Variants in TRDN observed in about 807,000 individuals in gnomAD.
TRDN encodes triadin in skeletal muscle.
A neutral mutation model predicts 149.7 loss-of-function variants in TRDN; 161 were observed. That is an observed-to-expected ratio of 1.08 (90% CI 0.95 to 1.23). The LOEUF (loss-of-function observed/expected upper bound fraction) is 1.23, where lower values mean the gene tolerates loss of function less well. Ranked by LOEUF, TRDN falls within the 50% of genes most tolerant of loss-of-function variation. TRDN has a pLI of 0.00. For missense variants in TRDN, 896 were observed against 823.5 expected, an observed-to-expected ratio of 1.09 and a Z score of -1.08; for synonymous variants, 294 against 250.5, an observed-to-expected ratio of 1.17 and a Z score of -1.64.
chr6:123,602,825 C>G (rs746391935), intron 1 of TRDN, among the ~76,000 whole-genome samples: 1 of 151,988 alleles, frequency 6.6e-6, no homozygotes, highest in Non-Finnish European at 1.5e-5. Context: ...GCACTCACAG[C>G]CCAGGACAAA....
At chr6:123,237,608 G>T (rs1258768007) in intron 38 of TRDN, among the ~76,000 whole-genome samples, 1 of 152,120 alleles carries the variant, frequency 6.6e-6, no homozygotes, top group African/African-American at 2.4e-5. Flanking sequence ...ACAGGTTTTA[G>T]ATTTGCTACA....
In TRDN at chr6:123,273,366, AAAAT is replaced by A. The variant is rs1562240669; in HGVS notation, c.1598-7_1598-4del. The A allele has an allele frequency of 2.2e-6, 2 of 922,274 alleles. No individual in the cohort carries two copies. The highest frequency in any genetic ancestry group is 2.9e-6 in the Non-Finnish European group (2 of 690,266). The allele number at this position is 922,274 out of a possible 1,614,324, so 57.1% of individuals were successfully genotyped here. On this transcript the variant is annotated splice_region_variant and splice_polypyrimidine_tract_variant and intron_variant, in intron 27 of 40. Transcript: ENST00000334268. ...TATTTGCACTTTTTCAGATATAGCTAAAATAAATAAATAACATATTAGATTAAAT... is the reference window on the plus strand; with the variant it reads ...TATTTGCACTTTTTCAGATATAGCTAAAATAAATAACATATTAGATTAAAT...
chr6:123,267,776 T>A, intron 31 of TRDN, 25 bp from the exon 32 acceptor site: 1 of 1,540,458 alleles, frequency 6.5e-7, no homozygotes, highest in Non-Finnish European at 8.8e-7. Context: ...CAAAATTCAC[T>A]GGCAATCTGT....
intron 31 of TRDN, among the ~76,000 whole-genome samples, chr6:123,268,904 A>T (rs1260493634): frequency 1.3e-5 from 2 of 152,044 alleles, no homozygotes; most frequent in East Asian, 3.8e-4. Context: ...TTCAAAATAC[A>T]ATTCACAGAT....
intron 7 of TRDN, among the ~76,000 whole-genome samples, chr6:123,506,583 G>A (rs1417989945): frequency 2.6e-5 from 4 of 151,850 alleles, no homozygotes; most frequent in African/African-American, 4.8e-5. Context: ...CTGCCTCCCG[G>A]GTTCAAGCAA....
At chr6:123,622,629 T>G (rs1437209286) in intron 1 of TRDN, among the ~76,000 whole-genome samples, 1 of 152,148 alleles carries the variant, frequency 6.6e-6, no homozygotes, top group Non-Finnish European at 1.5e-5. Context: ...AACACTGAAC[T>G]GAGGAGACGG....
chr6:123,486,938 A>T (rs914171916), intron 9 of TRDN, among the ~76,000 whole-genome samples: 1 of 152,038 alleles, frequency 6.6e-6, no homozygotes, highest in Non-Finnish European at 1.5e-5. Context: ...TACCCATGTT[A>T]TGCAGTAGAT....
chr6:123,489,142 A>G (rs1052261407), intron 9 of TRDN, among the ~76,000 whole-genome samples: 1 of 152,084 alleles, frequency 6.6e-6, no homozygotes, highest in Non-Finnish European at 1.5e-5. Context: ...TTCAATTGTT[A>G]TGTCTTCCAT....
At position 123,497,081 on chromosome 6, in the gene TRDN, C is replaced by G. The variant is rs929720357; in HGVS notation, c.853+112G>C. 4.1e-5 allele frequency: 30 copies of G among 740,340 alleles called. No individual in the cohort carries two copies. In the African/African-American group the frequency reaches 5.5e-4, roughly 14 times the overall value. 45.9% of individuals were successfully genotyped at this position (740,340 alleles called of 1,614,324 possible). A position where few individuals can be genotyped will look rare whatever the true frequency, so the allele number is the denominator to read the frequency against. On this transcript the variant is annotated intron_variant, in intron 9 of 40. Coordinates refer to ENST00000334268, the MANE Select transcript of TRDN (RefSeq NM_006073.4). ...TTATTGGTTTTATTCTAGATCTACACATGCATTATGCAATTTTTAAAAAAT... is the reference window on the plus strand; with the variant it reads ...TTATTGGTTTTATTCTAGATCTACAGATGCATTATGCAATTTTTAAAAAAT...
At chr6:123,404,766 T>C (rs1773127795) in intron 12 of TRDN, among the ~76,000 whole-genome samples, 1 of 152,132 alleles carries the variant, frequency 6.6e-6, no homozygotes, top group Non-Finnish European at 1.5e-5. Context: ...TTAGTTCACG[T>C]TTGTGTCATG....
chr6:123,421,128 T>C (rs1218236458), intron 12 of TRDN, among the ~76,000 whole-genome samples: 1 of 152,214 alleles, frequency 6.6e-6, no homozygotes, highest in Non-Finnish European at 1.5e-5. Context: ...ATACATGTTT[T>C]CTTTTCCTTC....
chr6:123,561,235 T>C (rs576392190), intron 2 of TRDN, among the ~76,000 whole-genome samples: 2 of 152,258 alleles, frequency 1.3e-5, no homozygotes, highest in South Asian at 2.1e-4. Context: ...CCCAAGCAGT[T>C]TTTCAGGCTC....
chr6:123,519,805 T>C (rs1779591614), intron 5 of TRDN, among the ~76,000 whole-genome samples: 2 of 152,072 alleles, frequency 1.3e-5, no homozygotes, highest in African/African-American at 2.4e-5. Context: ...TTGAGGAGCA[T>C]CATTACCTGT....
chr6:123,416,952 C>T (rs993049519), intron 12 of TRDN, among the ~76,000 whole-genome samples: 3 of 152,206 alleles, frequency 2.0e-5, no homozygotes, highest in African/African-American at 7.2e-5. Context: ...ATCCACCTGC[C>T]TCCGTCTCCC....
At chr6:123,550,758 C>T (rs964398794) in intron 2 of TRDN, among the ~76,000 whole-genome samples, 25 of 152,040 alleles carry the variant, frequency 1.6e-4, no homozygotes, top group African/African-American at 4.3e-4. Context: ...AGCACACAGA[C>T]CATTCAGTGA....
chr6:123,340,694 A>G lies in TRDN; in HGVS notation c.1370-3025T>C, dbSNP rs1582893005. The stretch of plus-strand genomic sequence containing the variant: ...TGATCTGAGATATTTTTTCACGAAC[A>G]TAATGAATAATACCAACATACCAAA... On this transcript the variant is annotated intron_variant, in intron 21 of 40. Transcript: ENST00000334268. 8.5e-5 allele frequency among the ~76,000 whole-genome samples: 13 copies of G among 152,130 alleles called. 1 individual carries two copies. The South Asian group carries it at 2.5e-3, about 29-fold the overall frequency.
At chr6:123,514,600 T>C (rs1289052258) in intron 6 of TRDN, among the ~76,000 whole-genome samples, 3 of 147,508 alleles carry the variant, frequency 2.0e-5, no homozygotes, top group Non-Finnish European at 4.5e-5. Flanking sequence ...TATTTGAAAA[T>C]AAGTTATAGA....
chr6:123,310,075 T>C (rs1778759939), intron 24 of TRDN, among the ~76,000 whole-genome samples: 1 of 152,074 alleles, frequency 6.6e-6, no homozygotes, highest in Middle Eastern at 3.2e-3. Context: ...GGTAGCTGCT[T>C]AAAATGCTGT....
intron 24 of TRDN, among the ~76,000 whole-genome samples, chr6:123,300,972 G>T (rs903105543): frequency 1.3e-5 from 2 of 151,854 alleles, no homozygotes; most frequent in African/African-American, 4.8e-5. Context: ...TATTGCACTT[G>T]ATCATTCAAA....
Sources: allele counts gnomAD v4.1 joint callset (sites outside exome capture counted in the v4.1 genomes callset), GRCh38; gene constraint gnomAD v4.1.1; transcripts MANE v1.5; gene names NCBI Gene and HGNC (gene_info 2026-07-23, HGNC 2026-07-21).